Variants in TENM2 observed in about 807,000 individuals in gnomAD.
The protein encoded by TENM2 is teneurin transmembrane protein 2.
Under a neutral mutation model 245.2 loss-of-function variants are expected in TENM2, and 52 were observed. The ratio of observed to expected loss-of-function variants is 0.21; its 90% CI spans 0.17 to 0.27. TENM2 has a LOEUF of 0.27. TENM2 is among the 10% of genes least tolerant of loss of function. TENM2 has a pLI of 1.00. For synonymous variants in TENM2, 1,363 were observed against 1,438.9 expected (o/e 0.95, Z 1.19); for missense variants, 3,046 against 3,666.8 (o/e 0.83, Z 4.37).
chr5:166,998,979 C>G, the TENM2 span, among the ~76,000 whole-genome samples: 1 of 151,246 alleles, frequency 6.6e-6, no homozygotes, highest in Non-Finnish European at 1.5e-5. Context: ...TGTGAGAATT[C>G]ATACTGCTAT....
chr5:167,566,966 T>C (rs1773946861), intron 2 of TENM2, among the ~76,000 whole-genome samples: 1 of 152,164 alleles, frequency 6.6e-6, no homozygotes. Context: ...AAAACCAAAA[T>C]GCCAGAACAT....
chr5:168,179,903 T>G (rs1581552199), intron 13 of TENM2, among the ~76,000 whole-genome samples: 1 of 152,336 alleles, frequency 6.6e-6, no homozygotes, highest in African/African-American at 2.4e-5. Flanking sequence ...TTGGTTCTCA[T>G]TAGACATGGT....
the TENM2 span, among the ~76,000 whole-genome samples, chr5:167,203,422 T>C: frequency 6.6e-5 from 10 of 152,332 alleles, no homozygotes; most frequent in African/African-American, 2.4e-4. Flanking sequence ...CTCTGTGGTA[T>C]TTCCAGAACT....
At chr5:167,972,816 C>T (rs968194129) in intron 4 of TENM2, among the ~76,000 whole-genome samples, 2 of 151,994 alleles carry the variant, frequency 1.3e-5, no homozygotes, top group African/African-American at 4.8e-5. Context: ...ATAAATAATA[C>T]ATAAATACCC....
chr5:168,030,872 G>T (rs1223673411), intron 5 of TENM2, among the ~76,000 whole-genome samples: 3 of 152,114 alleles, frequency 2.0e-5, no homozygotes. Flanking sequence ...GGGGATTAAA[G>T]GTGCCAGTCT....
intron 4 of TENM2, among the ~76,000 whole-genome samples, chr5:167,953,913 T>C (rs982037542): frequency 6.6e-6 from 1 of 152,194 alleles, no homozygotes; most frequent in African/African-American, 2.4e-5. Flanking sequence ...TAATATGTTA[T>C]ACATCTTTGT....
exon 3 of TENM2, chr5:167,876,164 A>G: frequency 6.4e-7 from 1 of 1,551,650 alleles, no homozygotes; most frequent in Non-Finnish European, 8.7e-7. Context: ...TGCTCAGAGC[A>G]TGCTCAGGGC....
the TENM2 span, among the ~76,000 whole-genome samples, chr5:167,264,774 C>T: frequency 7.6e-4 from 116 of 152,212 alleles, no homozygotes; most frequent in Admixed American, 2.6e-3. Context: ...AATATTATTT[C>T]TTCAGCACTT....
At chr5:167,874,190 C>T (rs773255130) in intron 2 of TENM2, among the ~76,000 whole-genome samples, 6 of 152,128 alleles carry the variant, frequency 3.9e-5, no homozygotes, top group Admixed American at 1.3e-4. Flanking sequence ...CATTACATGC[C>T]GCTATTCTGC....
At chr5:167,602,997 A>T (rs1323052831) in intron 2 of TENM2, among the ~76,000 whole-genome samples, 1 of 152,228 alleles carries the variant, frequency 6.6e-6, no homozygotes. Context: ...CTTTCCAAGG[A>T]ACATCAAGAA....
chr5:167,464,334 C>A (rs1766509669), intron 2 of TENM2, among the ~76,000 whole-genome samples: 1 of 152,146 alleles, frequency 6.6e-6, no homozygotes, highest in Admixed American at 6.5e-5. Flanking sequence ...AGCAGGTAAA[C>A]CCTAATACCA....
the TENM2 span, among the ~76,000 whole-genome samples, chr5:167,129,851 C>T: frequency 6.6e-6 from 1 of 152,068 alleles, no homozygotes; most frequent in African/African-American, 2.4e-5. Flanking sequence ...TGGGATTAGG[C>T]TTTGATTATG....
the TENM2 span, among the ~76,000 whole-genome samples, chr5:167,164,490 G>A: frequency 6.6e-6 from 1 of 152,164 alleles, no homozygotes; most frequent in African/African-American, 2.4e-5. Flanking sequence ...GCTTACATAA[G>A]CTGACCTCGT....
At chr5:168,238,675 C>T (rs531338275) in intron 25 of TENM2, among the ~76,000 whole-genome samples, 32 of 152,278 alleles carry the variant, frequency 2.1e-4, no homozygotes, top group Middle Eastern at 6.8e-3. Context: ...TTGAAGACAG[C>T]GTTTCCTTTT....
At chr5:167,698,593 T>C (rs1411982717) in intron 2 of TENM2, among the ~76,000 whole-genome samples, 1 of 152,168 alleles carries the variant, frequency 6.6e-6, no homozygotes, top group Non-Finnish European at 1.5e-5. Context: ...TTCCCTTCCA[T>C]TGCTTGAAAA....
chr5:167,851,816 C>A (rs144911212), intron 2 of TENM2, among the ~76,000 whole-genome samples: 3 of 152,340 alleles, frequency 2.0e-5, no homozygotes, highest in African/African-American at 7.2e-5. Flanking sequence ...CCCTTCATTT[C>A]TCCCATGTAA....
chr5:167,294,542 C>G (rs1452146163), intron 1 of TENM2, among the ~76,000 whole-genome samples: 2 of 152,032 alleles, frequency 1.3e-5, no homozygotes, highest in Non-Finnish European at 2.9e-5. Context: ...ATGTGCTATT[C>G]ACTCAGTGCA....
chr5:167,248,627 T>A, the TENM2 span, among the ~76,000 whole-genome samples: 1 of 151,712 alleles, frequency 6.6e-6, no homozygotes, highest in Non-Finnish European at 1.5e-5. Flanking sequence ...GAATTGATGC[T>A]GTGTGTGTGT....
intron 12 of TENM2, among the ~76,000 whole-genome samples, chr5:168,128,548 TG>T (rs972203354): frequency 1.3e-5 from 2 of 152,188 alleles, no homozygotes; most frequent in African/African-American, 2.4e-5. Flanking sequence ...TTCCCACATC[TG>T]GGGGACAGAG....
Sources: gnomAD v4.1 joint callset for allele counts (sites outside exome capture counted in the v4.1 genomes callset) on GRCh38, gnomAD v4.1.1 for gene constraint, MANE v1.5 for transcripts, NCBI Gene and HGNC (gene_info 2026-07-23, HGNC 2026-07-21) for gene names.